Variants in LRMDA observed in about 807,000 individuals in gnomAD.
The protein encoded by LRMDA is leucine rich melanocyte differentiation associated.
Under a neutral mutation model 29.8 loss-of-function variants are expected in LRMDA, and 18 were observed. The ratio of observed to expected loss-of-function variants is 0.60; its 90% CI spans 0.42 to 0.90. LRMDA has a LOEUF of 0.90. Among genes scored for constraint, LRMDA ranks in the 40% least tolerant of loss-of-function variants. LRMDA has a pLI of 0.00. For synonymous variants in LRMDA, 125 were observed against 109.4 expected (o/e 1.14, Z -0.89); for missense variants, 273 against 273.9 (o/e 1.00, Z 0.02).
chr10:76,022,164 G>T (rs1042771964), intron 2 of LRMDA, among the ~76,000 whole-genome samples: 8 of 152,148 alleles, frequency 5.3e-5, no homozygotes, highest in Admixed American at 3.9e-4. Flanking sequence ...ATTAACAGTG[G>T]TCGTCTGTTT....
chr10:76,188,794 A>C (rs1554853753), intron 5 of LRMDA, among the ~76,000 whole-genome samples: 1 of 152,188 alleles, frequency 6.6e-6, no homozygotes, highest in Non-Finnish European at 1.5e-5. Flanking sequence ...CCTGTGACTG[A>C]AACTTGTTAC....
At chr10:76,233,183 C>T (rs1195788413) in intron 5 of LRMDA, among the ~76,000 whole-genome samples, 1 of 151,918 alleles carries the variant, frequency 6.6e-6, no homozygotes, top group African/African-American at 2.4e-5. Context: ...AAGACTGCCC[C>T]AATAAAACAA....
chr10:76,333,909 T>A (rs1840935630), intron 6 of LRMDA, among the ~76,000 whole-genome samples: 1 of 152,172 alleles, frequency 6.6e-6, no homozygotes, highest in Non-Finnish European at 1.5e-5. Context: ...GCCAGCATGG[T>A]GTGTGGGAGG....
At chr10:76,288,351 G>A (rs1232908635) in intron 5 of LRMDA, among the ~76,000 whole-genome samples, 14 of 152,092 alleles carry the variant, frequency 9.2e-5, no homozygotes, top group Non-Finnish European at 1.5e-5. Flanking sequence ...GTTCATCTCA[G>A]CACATTTCAT....
intron 6 of LRMDA, among the ~76,000 whole-genome samples, chr10:76,545,128 C>G (rs1843403570): frequency 6.6e-6 from 1 of 151,346 alleles, no homozygotes; most frequent in Non-Finnish European, 1.5e-5. Flanking sequence ...CCAGTTGTTA[C>G]AGGGTCTGCT....
intron 5 of LRMDA, among the ~76,000 whole-genome samples, chr10:76,309,384 C>T (rs1589421483): frequency 6.6e-6 from 1 of 151,890 alleles, no homozygotes; most frequent in Admixed American, 6.6e-5. Flanking sequence ...GGATTAATTG[C>T]GGACAAGCAG....
intron 5 of LRMDA, among the ~76,000 whole-genome samples, chr10:76,103,715 T>C (rs11001613): frequency 0.43 from 65,026 of 151,672 alleles, 14,397 homozygotes; most frequent in Non-Finnish European, 0.46. Context: ...CTATCAGAGT[T>C]TGGGCTGCCT....
At chr10:76,508,612 C>T (rs1409731946) in intron 6 of LRMDA, among the ~76,000 whole-genome samples, 2 of 151,444 alleles carry the variant, frequency 1.3e-5, no homozygotes, top group Non-Finnish European at 1.5e-5. Flanking sequence ...TTTTACATGC[C>T]CTTGTTATTT....
At chr10:75,857,588 T>G (rs1844849890) in intron 2 of LRMDA, among the ~76,000 whole-genome samples, 1 of 152,202 alleles carries the variant, frequency 6.6e-6, no homozygotes, top group Non-Finnish European at 1.5e-5. Context: ...AACTTTGCCT[T>G]TCACATGTAA....
At chr10:76,406,307 C>T (rs1375151983) in intron 6 of LRMDA, among the ~76,000 whole-genome samples, 1 of 152,180 alleles carries the variant, frequency 6.6e-6, no homozygotes, top group Admixed American at 6.5e-5. Context: ...ACATGACCCA[C>T]AAACTGTTAA....
intron 6 of LRMDA, among the ~76,000 whole-genome samples, chr10:76,495,763 G>C (rs537424610): frequency 6.6e-6 from 1 of 151,748 alleles, no homozygotes; most frequent in African/African-American, 2.4e-5. Flanking sequence ...TCATGTATTT[G>C]GGTAATTGTA....
intron 2 of LRMDA, among the ~76,000 whole-genome samples, chr10:75,935,158 A>C (rs1240878207): frequency 6.6e-6 from 1 of 151,982 alleles, no homozygotes; most frequent in African/African-American, 2.4e-5. Context: ...GCATTCTGCT[A>C]CTCTCTCCCC....
At chr10:75,661,706 A>T (rs898569636) in intron 2 of LRMDA, among the ~76,000 whole-genome samples, 8 of 152,218 alleles carry the variant, frequency 5.3e-5, no homozygotes, top group Non-Finnish European at 1.0e-4. Context: ...TGGCACCCTT[A>T]TCCAGGCAAA....
intron 6 of LRMDA, among the ~76,000 whole-genome samples, chr10:76,504,021 G>T (rs1041829671): frequency 6.6e-6 from 1 of 151,378 alleles, no homozygotes; most frequent in Non-Finnish European, 1.5e-5. Flanking sequence ...ATTTTGGTAA[G>T]TTGTGTCTAT....
At chr10:75,664,047 G>A (rs748278520) in intron 2 of LRMDA, among the ~76,000 whole-genome samples, 7 of 152,136 alleles carry the variant, frequency 4.6e-5, no homozygotes, top group Non-Finnish European at 5.9e-5. Flanking sequence ...CGAATAGTCC[G>A]TAAAGTTTAC....
intron 2 of LRMDA, among the ~76,000 whole-genome samples, chr10:75,446,217 A>G (rs2132027575): frequency 6.6e-6 from 1 of 152,360 alleles, no homozygotes; most frequent in East Asian, 1.9e-4. Context: ...TTGGGGTTGG[A>G]CCATCCTGGC....
At chr10:76,309,782 T>C (rs1840606676) in intron 5 of LRMDA, among the ~76,000 whole-genome samples, 1 of 152,182 alleles carries the variant, frequency 6.6e-6, no homozygotes, top group Non-Finnish European at 1.5e-5. Flanking sequence ...CAGAAGCTCC[T>C]GAAACTAAGG....
chr10:76,265,360 A>C (rs563909243), intron 5 of LRMDA, among the ~76,000 whole-genome samples: 2 of 152,250 alleles, frequency 1.3e-5, no homozygotes, highest in East Asian at 3.9e-4. Context: ...TCTCAAGCAT[A>C]AGCAACTAGG....
At chr10:76,232,287 A>G (rs2132273809) in intron 5 of LRMDA, among the ~76,000 whole-genome samples, 1 of 152,254 alleles carries the variant, frequency 6.6e-6, no homozygotes, top group Admixed American at 6.5e-5. Flanking sequence ...GGGAGTGAAA[A>G]TTTTCCCTCT....
Sources: allele counts gnomAD v4.1 joint callset (sites outside exome capture counted in the v4.1 genomes callset), GRCh38; gene constraint gnomAD v4.1.1; transcripts MANE v1.5; gene names NCBI Gene and HGNC (gene_info 2026-07-23, HGNC 2026-07-21).